Variants in PLBD2 observed in about 807,000 individuals in gnomAD.
PLBD2 encodes the protein phospholipase B domain containing 2, also known as putative aminopeptidase PLBD2.
A neutral mutation model predicts 68.3 loss-of-function variants in PLBD2; 51 were observed. The observed-to-expected ratio is 0.75, with a 90% CI of 0.60 to 0.94. The LOEUF (loss-of-function observed/expected upper bound fraction) is 0.94, where lower values mean the gene tolerates loss of function less well. Among genes scored for constraint, PLBD2 ranks in the 40% least tolerant of loss-of-function variants. The probability of loss-of-function intolerance (pLI) is 0.00; values close to 1 mark genes in which losing one functional copy is unlikely to be tolerated. For missense variants in PLBD2, 729 were observed against 792.2 expected (o/e 0.92, Z 0.96); for synonymous variants, 314 against 339.3 (o/e 0.93, Z 0.82).
chr12:113,362,201 T>C (rs1957302009), intron 1 of PLBD2, among the ~76,000 whole-genome samples: 1 of 151,896 alleles, frequency 6.6e-6, no homozygotes, highest in Non-Finnish European at 1.5e-5. Flanking sequence ...AGTAAAAAAT[T>C]AGCTGGGTGT....
At chr12:113,377,279 C>T (rs900211352) in intron 5 of PLBD2, among the ~76,000 whole-genome samples, 2 of 152,162 alleles carry the variant, frequency 1.3e-5, no homozygotes, top group Non-Finnish European at 2.9e-5. Flanking sequence ...AAGTGTACAA[C>T]TTGAATTTCT....
At position 113,387,101 on chromosome 12, in the gene PLBD2, T is replaced by A. The variant is rs1957560519; in HGVS notation, c.1439+12T>A. 1 of 1,566,494 alleles carries A rather than the reference T, an allele frequency of 6.4e-7. No individual in the cohort carries two copies. The highest frequency in any genetic ancestry group is 8.6e-7 in the Non-Finnish European group (1 of 1,156,652). On this transcript the variant is annotated intron_variant, in intron 10 of 11. Transcript: ENST00000280800. ...GTCAGGCTGATGAGGTAGGTGCCAG[T>A]TGGGTGGTGGGTTGGGGAGAGGGAG...
In PLBD2 at chr12:113,373,550, C is replaced by A. The variant is rs182620939; in HGVS notation, c.543+743C>A. Among the ~76,000 whole-genome samples the A allele has an allele frequency of 4.7e-3, 714 of 152,276 alleles. 21 individuals are homozygous for A. The highest frequency in any genetic ancestry group is 0.034 in the Admixed American group (522 of 15,286). ...CATCTACCTGTCCATTCCACACATC[C>A]ACCACCCATCCATCCACCCATCCAT... On this transcript the variant is annotated intron_variant, in intron 3 of 11. Transcript: ENST00000280800.
intron 5 of PLBD2, among the ~76,000 whole-genome samples, chr12:113,378,077 AC>A: frequency 6.6e-6 from 1 of 152,344 alleles, no homozygotes; most frequent in East Asian, 1.9e-4. Context: ...CAGGTGGAAC[AC>A]TTGAGGTCAG....
At chr12:113,388,348 A>G in intron 11 of PLBD2, 111 bp from the exon 12 acceptor site, 1 of 1,126,696 alleles carries the variant, frequency 8.9e-7, no homozygotes, top group African/African-American at 1.6e-5. Context: ...AAAAAAAAAA[A>G]AGTGACAGTT....
chr12:113,391,374 T>A lies in PLBD2; in HGVS notation c.*2748T>A, dbSNP rs1957609327. ...GTGTGAGCAGCGTTTCCCTGGGGGATGTGATGCAGCCCACTTGGGGCCTCA... is the reference window on the plus strand; with the variant it reads ...GTGTGAGCAGCGTTTCCCTGGGGGAAGTGATGCAGCCCACTTGGGGCCTCA... On this transcript the variant is annotated 3_prime_UTR_variant, in exon 12 of 12. Coordinates refer to ENST00000280800, the MANE Select transcript of PLBD2 (RefSeq NM_173542.4). The A allele has an allele frequency of 6.6e-6, 1 of 152,280 alleles. No individual in the cohort carries two copies. Among genetic ancestry groups the A allele is most frequent in the Non-Finnish European group, 1.5e-5 (1 of 68,064 alleles). The allele number at this position is 152,280 out of a possible 1,614,324, so 9.4% of individuals were successfully genotyped here.
At position 113,372,698 on chromosome 12, in the gene PLBD2, T is replaced by G; in HGVS notation, c.434T>G (p.Phe145Cys). Residue 145 changes from phenylalanine to cysteine, a missense_variant, in exon 3 of 12, where the codon TTC becomes TGC. Phe to Cys is a radical substitution (Grantham distance 205). Transcript: ENST00000280800. This position sits in a 1 kb window ranked among gnomAD's most constrained non-coding sequence, Gnocchi z 4.2. ...MNTVVNYCGPFEYEVGYCERL... is the reference protein window; with the variant it reads ...MNTVVNYCGPCEYEVGYCERL... ...ACGGTGGTGAATTACTGCGGCCCCT[T>G]CGAGTATGAAGTCGGCTACTGCGAG... 6.2e-7 allele frequency: 1 copy of G among 1,614,034 alleles called. No individual in the cohort carries two copies. The highest frequency in any genetic ancestry group is 8.5e-7 in the Non-Finnish European group (1 of 1,180,004).
rs1159259153 is a variant in PLBD2, at chr12:113,372,167, C to T, written c.385-482C>T. 1.3e-5 allele frequency among the ~76,000 whole-genome samples: 2 copies of T among 150,840 alleles called. No homozygotes were observed. Among genetic ancestry groups the T allele is most frequent in the African/African-American group, 2.4e-5 (1 of 40,956 alleles). On this transcript the variant is annotated intron_variant, in intron 2 of 11. Coordinates refer to ENST00000280800, the MANE Select transcript of PLBD2 (RefSeq NM_173542.4). The surrounding 1 kb of genome is among the most constrained non-coding windows in gnomAD (Gnocchi z 4.2). ...CCAGGCTACGTGGTCTTTTGTCCCC[C>T]AGCAGGCGAGCCTGGACTCATGCAG... is the stretch of plus-strand genomic sequence containing the variant.
At position 113,372,616 on chromosome 12, in the gene PLBD2, C is replaced by T; in HGVS notation, c.385-33C>T. 6 of 1,601,822 alleles carry T rather than the reference C, an allele frequency of 3.7e-6. No individual in the cohort carries two copies. The highest frequency in any genetic ancestry group is 5.1e-6 in the Non-Finnish European group (6 of 1,172,024). On this transcript the variant is annotated intron_variant, in intron 2 of 11. Coordinates refer to ENST00000280800, the MANE Select transcript of PLBD2 (RefSeq NM_173542.4). The surrounding 1 kb of genome is among the most constrained non-coding windows in gnomAD (Gnocchi z 4.2). ...TCAGGGAAGAGAGCACCCCAGCTGC[C>T]CGCCCTTGCCTCGCCCACCCCCTAC...
intron 9 of PLBD2, 106 bp downstream of exon 9, chr12:113,385,389 C>A: frequency 1.9e-6 from 2 of 1,050,792 alleles, no homozygotes; most frequent in Non-Finnish European, 2.8e-6. Context: ...AACAAAGAAT[C>A]CCAGCCTACC....
At chr12:113,359,723 A>G (rs1957272507) in intron 1 of PLBD2, among the ~76,000 whole-genome samples, 1 of 152,144 alleles carries the variant, frequency 6.6e-6, no homozygotes. Flanking sequence ...CCATTCATTT[A>G]TTCATTACCC....
At position 113,384,349 on chromosome 12, in the gene PLBD2, A is replaced by G; in HGVS notation, c.1118+84A>G. The G allele has an allele frequency of 6.7e-7, 1 of 1,488,488 alleles. No individual in the cohort carries two copies. 92.2% of individuals were successfully genotyped at this position (1,488,488 alleles called of 1,614,324 possible). A position where few individuals can be genotyped will look rare whatever the true frequency, so the allele number is the denominator to read the frequency against. The stretch of plus-strand genomic sequence containing the variant: ...TTTAACACTCACACTCCTGGGGACC[A>G]GATGTGGCATCCGGGCCACACACCC... On this transcript the variant is annotated intron_variant, in intron 7 of 11. Transcript: ENST00000280800. The surrounding 1 kb of genome is among the most constrained non-coding windows in gnomAD (Gnocchi z 4.2).
In PLBD2 at chr12:113,374,512, C is replaced by T; in HGVS notation, c.582C>T (p.Asp194=). Residue 194 remains aspartate, a synonymous_variant, in exon 4 of 12, where the codon GAC becomes GAT. Coordinates refer to ENST00000280800, the MANE Select transcript of PLBD2 (RefSeq NM_173542.4). ...TCCTGCAGCTGAAAGGCCTGGAGGA[C>T]AGCTACGAAGGCCGTGTGAGCTTCC... The part of the protein sequence containing the change: ...LTLLQLKGLE[D]SYEGRVSFPA... 4.4e-6 allele frequency: 7 copies of T among 1,606,638 alleles called. No individual in the cohort carries two copies. The highest frequency in any genetic ancestry group is 1.1e-5 in the South Asian group (1 of 89,334).
At chr12:113,377,332 CAG>C (rs1469144031) in intron 5 of PLBD2, among the ~76,000 whole-genome samples, 1 of 152,154 alleles carries the variant, frequency 6.6e-6, no homozygotes, top group Admixed American at 6.6e-5. Flanking sequence ...TCTGGAGAAA[CAG>C]AACATTCCCA....
rs894996820 is a variant in PLBD2 at position 113,389,748 on chromosome 12, C to T, written c.*1122C>T. 2 of 151,930 alleles carry T rather than the reference C, an allele frequency of 1.3e-5. No individual in the cohort carries two copies. The highest frequency in any genetic ancestry group is 4.8e-5 in the African/African-American group (2 of 41,316). 9.4% of individuals were successfully genotyped at this position (151,930 alleles called of 1,614,324 possible). On this transcript the variant is annotated 3_prime_UTR_variant, in exon 12 of 12. Transcript: ENST00000280800. ...CTGAGTGGGAGTTTCACTCTATTGC[C>T]CAGGCTGGAGTGCAATGGCATAATC...
At chr12:113,381,910 C>T (rs1957494722) in intron 6 of PLBD2, among the ~76,000 whole-genome samples, 1 of 152,160 alleles carries the variant, frequency 6.6e-6, no homozygotes, top group Non-Finnish European at 1.5e-5. Context: ...CAACCTCCCA[C>T]CTCCTGGGTT....
rs957094960 is a variant in PLBD2 at position 113,372,911 on chromosome 12, G to A, written c.543+104G>A. 11 of 1,351,490 alleles carry A rather than the reference G, an allele frequency of 8.1e-6. No homozygotes were observed. The Admixed American group carries it at 8.4e-5, about 10-fold the overall frequency. 83.7% of individuals were successfully genotyped at this position (1,351,490 alleles called of 1,614,324 possible). A position where few individuals can be genotyped will look rare whatever the true frequency, so the allele number is the denominator to read the frequency against. On this transcript the variant is annotated intron_variant, in intron 3 of 11. Transcript: ENST00000280800. The surrounding 1 kb of genome is among the most constrained non-coding windows in gnomAD (Gnocchi z 4.2). Reference sequence around the variant, plus strand: ...TTGTGGCATGTCCAGCTGCCCAGCCGCCTCTGTTTCCATCATCATCTCCAT... The same window carrying A: ...TTGTGGCATGTCCAGCTGCCCAGCCACCTCTGTTTCCATCATCATCTCCAT...
intron 6 of PLBD2, among the ~76,000 whole-genome samples, chr12:113,382,845 G>T (rs1478383283): frequency 3.5e-4 from 43 of 123,754 alleles, no homozygotes; most frequent in African/African-American, 1.2e-3. Flanking sequence ...TTGTGTGTGT[G>T]TGTGTGTGTG....
chr12:113,369,750 C>T (rs1957372843), intron 2 of PLBD2, among the ~76,000 whole-genome samples: 1 of 152,028 alleles, frequency 6.6e-6, no homozygotes, highest in African/African-American at 2.4e-5. Context: ...GACAGAAAGC[C>T]AACTAGTGGT....
Sources: allele counts gnomAD v4.1 joint callset (sites outside exome capture counted in the v4.1 genomes callset), GRCh38; gene constraint gnomAD v4.1.1; non-coding constraint Gnocchi (gnomAD v3.1); transcripts MANE v1.5; gene names NCBI Gene and HGNC (gene_info 2026-07-23, HGNC 2026-07-21).